Variants in MROH1 observed in about 807,000 individuals in gnomAD.
MROH1 encodes maestro heat like repeat family member 1.
MROH1 carries 117 observed loss-of-function variants against 116.5 expected under a neutral mutation model. The ratio of observed to expected loss-of-function variants is 1.00; its 90% CI spans 0.86 to 1.17. The LOEUF (loss-of-function observed/expected upper bound fraction) is 1.17, where lower values mean the gene tolerates loss of function less well. Ranked by LOEUF, MROH1 falls within the 50% of genes most tolerant of loss-of-function variation. The pLI is 0.00. For missense variants in MROH1, 1,873 were observed against 1,338.5 expected, an observed-to-expected ratio of 1.40 and a Z score of -6.23; for synonymous variants, 921 against 583.9, an observed-to-expected ratio of 1.58 and a Z score of -8.32.
At position 144,260,690 on chromosome 8, in the gene MROH1, TC is replaced by T. The variant is rs1844873390; in HGVS notation, c.4396del (p.Arg1466GlyfsTer92). ...TGTCCTTCCCAGGAGAAGATGGAGT[TC>T]CGGACGGCATCTATCCGCCTCTTTG... ...RPFFDSEKME[F>X]RTASIRLFGH... On this transcript the variant is annotated frameshift_variant, in exon 40 of 44. Coordinates refer to ENST00000326134, the MANE Select transcript of MROH1 (RefSeq NM_032450.3). LOFTEE classifies it high-confidence loss of function. The T allele has an allele frequency of 5.1e-6, 4 of 779,214 alleles. No homozygotes were observed. Among genetic ancestry groups the T allele is most frequent in the Non-Finnish European group, 9.6e-6 (4 of 417,798 alleles). The allele number at this position is 779,214 out of a possible 1,614,324, so 48.3% of individuals were successfully genotyped here.
chr8:144,232,478 A>G (rs145014884), intron 14 of MROH1, among the ~76,000 whole-genome samples: 2,240 of 137,886 alleles, frequency 0.016, 25 homozygotes, highest in East Asian at 0.046. Context: ...TTGTTTGTTT[A>G]TTTATTTATT....
At chr8:144,220,774 C>T in intron 13 of MROH1, 101 bp downstream of exon 13, 1 of 991,162 alleles carries the variant, frequency 1.0e-6, no homozygotes, top group Non-Finnish European at 1.5e-6. Flanking sequence ...CAGGCGGCCA[C>T]CACCCTTGGC....
chr8:144,255,962 G>GGCAGCTGGT (rs1426453217), intron 35 of MROH1, among the ~76,000 whole-genome samples: 2 of 152,238 alleles, frequency 1.3e-5, no homozygotes, highest in Non-Finnish European at 2.9e-5. Flanking sequence ...GCTGAACACA[G>GGCAGCTGGT]GCAGCTGGTG....
intron 12 of MROH1, among the ~76,000 whole-genome samples, chr8:144,209,174 G>A (rs1022406973): frequency 6.6e-6 from 1 of 152,044 alleles, no homozygotes; most frequent in African/African-American, 2.4e-5. Flanking sequence ...TGGGATTATA[G>A]GCCAATATCA....
chr8:144,212,580 CTTTTTTTTTTTTTT>C (rs59225464), intron 12 of MROH1, among the ~76,000 whole-genome samples: 1 of 47,200 alleles, frequency 2.1e-5, no homozygotes. Context: ...TCTTCTGTTA[CTTTTTTTTTTTTTT>C]TTTTTTTTTT....
chr8:144,228,335 T>TA (rs150712112), intron 14 of MROH1, among the ~76,000 whole-genome samples: 1,795 of 152,290 alleles, frequency 0.012, 25 homozygotes, highest in African/African-American at 0.038. Flanking sequence ...ACTTTATTGC[T>TA]AAAAAAATTG....
chr8:144,243,650 C>T, intron 25 of MROH1, 34 bp downstream of exon 25: 1 of 776,544 alleles, frequency 1.3e-6, no homozygotes, highest in South Asian at 1.3e-5. Context: ...GGTCCTCAGG[C>T]AGGTTCCTGG....
Position 144,239,715 on chromosome 8 carries a change from T to C in MROH1, c.1734T>C (p.His578=). ...HPNIHPLLGQ[H]WETTVPLLLG... ...ACATTCACCCTTTGCTGGGTCAGCA[T>C]TGGGAAACGACTGTCCCGCTGCTGC... The change falls in exon 18 of 44, where the codon CAT becomes CAC. Residue 578 remains histidine, a synonymous_variant. Transcript: ENST00000326134. 1.4e-6 allele frequency: 1 copy of C among 724,486 alleles called. No individual in the cohort carries two copies. The highest frequency in any genetic ancestry group is 2.6e-6 in the Non-Finnish European group (1 of 389,028). The allele number at this position is 724,486 out of a possible 1,614,324, so 44.9% of individuals were successfully genotyped here. A position where few individuals can be genotyped will look rare whatever the true frequency, so the allele number is the denominator to read the frequency against.
rs1214650169 is a variant in MROH1, at chr8:144,259,247, G to A, written c.3937G>A (p.Ala1313Thr). The A allele has an allele frequency of 1.7e-5, 12 of 713,786 alleles. No individual in the cohort carries two copies. The highest frequency in any genetic ancestry group is 2.6e-5 in the Non-Finnish European group (10 of 384,870). 44.2% of individuals were successfully genotyped at this position (713,786 alleles called of 1,614,324 possible). A position where few individuals can be genotyped will look rare whatever the true frequency, so the allele number is the denominator to read the frequency against. Residue 1313 changes from alanine to threonine, a missense_variant, in exon 37 of 44, where the codon GCT (alanine) becomes ACT (threonine). Ala to Thr is a moderately conservative substitution (Grantham distance 58). Transcript: ENST00000326134. ...EGATRLARAM[A>T]EHAGPRLPLV... ...AGCGGCCCCCTTTCCCAGGGCCATG[G>A]CTGAGCACGCAGGGCCCCGACTCCC...
At chr8:144,230,954 GGCCTTCC>G (rs1838762170) in intron 14 of MROH1, among the ~76,000 whole-genome samples, 1 of 141,680 alleles carries the variant, frequency 7.1e-6, no homozygotes, top group South Asian at 2.4e-4. Flanking sequence ...AGGACCCTGC[GGCCTTCC>G]GCAGTGTTTG....
chr8:144,174,960 A>G (rs1031100062), intron 4 of MROH1: 1 of 985,312 alleles, frequency 1.0e-6, no homozygotes, highest in South Asian at 4.7e-5. Flanking sequence ...AATCTGGAGA[A>G]CTCAGTCCCA....
intron 7 of MROH1, among the ~76,000 whole-genome samples, chr8:144,181,606 G>C (rs758825473): frequency 1.2e-4 from 18 of 152,200 alleles, no homozygotes; most frequent in Non-Finnish European, 2.4e-4. Context: ...GGCCCCTTGG[G>C]TAGAAGGGAT....
chr8:144,208,160 T>G (rs1833272983), intron 12 of MROH1, among the ~76,000 whole-genome samples: 2 of 152,132 alleles, frequency 1.3e-5, no homozygotes, highest in South Asian at 4.1e-4. Context: ...ATCAGGCTGG[T>G]CTCAAACTCC....
At chr8:144,237,051 G>A (rs1014383498) in intron 14 of MROH1, among the ~76,000 whole-genome samples, 5 of 151,302 alleles carry the variant, frequency 3.3e-5, no homozygotes, top group Non-Finnish European at 7.4e-5. Flanking sequence ...GACTACAGGC[G>A]CCCGCCACCA....
At chr8:144,165,267 C>A (rs1564372083) in intron 3 of MROH1, among the ~76,000 whole-genome samples, 2 of 151,470 alleles carry the variant, frequency 1.3e-5, no homozygotes, top group South Asian at 4.2e-4. Flanking sequence ...TACAGGTGCC[C>A]GCCACCATGT....
chr8:144,200,371 T>C (rs1204704017), intron 11 of MROH1, 57 bp from the exon 12 acceptor site: 5 of 1,345,412 alleles, frequency 3.7e-6, no homozygotes, highest in Admixed American at 4.5e-5. Context: ...AGGTGGACGC[T>C]GTGTATAGGG....
At chr8:144,215,364 G>A (rs1272226234) in intron 12 of MROH1, among the ~76,000 whole-genome samples, 2 of 152,158 alleles carry the variant, frequency 1.3e-5, no homozygotes, top group Non-Finnish European at 2.9e-5. Context: ...GTGTGCGATG[G>A]GCTTACTGAA....
At chr8:144,254,251 C>T (rs1452949069) in intron 33 of MROH1, among the ~76,000 whole-genome samples, 2 of 152,220 alleles carry the variant, frequency 1.3e-5, no homozygotes, top group Non-Finnish European at 1.5e-5. Context: ...CAAATATGTC[C>T]ACTGAGTACA....
chr8:144,201,466 A>G (rs1461778976), intron 12 of MROH1, among the ~76,000 whole-genome samples: 2 of 152,232 alleles, frequency 1.3e-5, no homozygotes, highest in Non-Finnish European at 2.9e-5. Flanking sequence ...CACAGTGGCC[A>G]TGGCCCACCG....
Sources: gnomAD v4.1 joint callset for allele counts (sites outside exome capture counted in the v4.1 genomes callset) on GRCh38, gnomAD v4.1.1 for gene constraint, MANE v1.5 for transcripts, NCBI Gene and HGNC (gene_info 2026-07-23, HGNC 2026-07-21) for gene names.